Variants in THOC1 observed in about 807,000 individuals in gnomAD.
The protein encoded by THOC1 is THO complex subunit 1.
In THOC1, 29 loss-of-function variants were observed where a neutral mutation model predicts 97.3. The observed-to-expected ratio is 0.30, with a 90% CI of 0.22 to 0.41. The LOEUF (loss-of-function observed/expected upper bound fraction) is 0.41, where lower values mean the gene tolerates loss of function less well. THOC1 is among the 10% of genes least tolerant of loss of function. The pLI, the probability that THOC1 is intolerant of heterozygous loss-of-function variation, is 1.00. For synonymous variants in THOC1, 255 were observed against 257.0 expected (o/e 0.99, Z 0.07); for missense variants, 529 against 761.9 (o/e 0.69, Z 3.60).
chr18:223,925 CCACA>C (rs1339434704), intron 16 of THOC1, among the ~76,000 whole-genome samples, 155 bp downstream of exon 16: 3 of 152,086 alleles, frequency 2.0e-5, no homozygotes, highest in African/African-American at 7.2e-5. Context: ...GTGCATGAAC[CCACA>C]CAATGGGCAG....
intron 15 of THOC1, among the ~76,000 whole-genome samples, chr18:224,525 G>C (rs1911207385): frequency 6.7e-6 from 1 of 149,692 alleles, no homozygotes; most frequent in East Asian, 2.0e-4. Context: ...GCTGCGGTGA[G>C]CCAAGATCAT....
chr18:227,486 T>C (rs1459108533), intron 11 of THOC1, among the ~76,000 whole-genome samples: 1 of 152,028 alleles, frequency 6.6e-6, no homozygotes, highest in Non-Finnish European at 1.5e-5. Context: ...AACAAGAAAT[T>C]AGAGGTGAAG....
At chr18:258,617 T>C (rs1208064881) in intron 7 of THOC1, among the ~76,000 whole-genome samples, 1 of 152,108 alleles carries the variant, frequency 6.6e-6, no homozygotes, top group Non-Finnish European at 1.5e-5. Flanking sequence ...ATTAGCCCAA[T>C]ATTAAGGAAG....
chr18:259,589 T>C (rs1340195659), intron 6 of THOC1, 93 bp downstream of exon 6: 2 of 967,918 alleles, frequency 2.1e-6, no homozygotes, highest in East Asian at 5.5e-5. Context: ...TAATCTATCT[T>C]TAAAATGTTA....
intron 11 of THOC1, among the ~76,000 whole-genome samples, chr18:244,137 C>T (rs1912006686): frequency 6.6e-6 from 1 of 152,126 alleles, no homozygotes; most frequent in Admixed American, 6.5e-5. Context: ...TTTTAAATTA[C>T]TCACTAAACA....
At chr18:237,633 T>C (rs1035735907) in intron 11 of THOC1, among the ~76,000 whole-genome samples, 1 of 152,192 alleles carries the variant, frequency 6.6e-6, no homozygotes, top group Non-Finnish European at 1.5e-5. Flanking sequence ...GTTCCACAGT[T>C]AGTATGTTTA....
rs1911309967 is a variant in THOC1 at position 226,895 on chromosome 18, C to G, written c.925G>C (p.Asp309His). 1 of 1,606,854 alleles carries G rather than the reference C, an allele frequency of 6.2e-7. No individual in the cohort carries two copies. The highest frequency in any genetic ancestry group is 1.3e-5 in the African/African-American group (1 of 74,814). ...AKFLTSEKLMDLQLSDSNFRR... is the reference protein window; with the variant it reads ...AKFLTSEKLMHLQLSDSNFRR... The stretch of plus-strand genomic sequence containing the variant: ...AAGTTACTGTCACTCAGTTGTAAAT[C>G]CATCAGCTACTCAAGAAACAAGCAA... The change falls in exon 12 of 21, where the codon GAT becomes CAT. Residue 309 changes from aspartate to histidine, a missense_variant. Asp to His is a moderately conservative substitution (Grantham distance 81). Around this residue, in one of 8 missense-constraint regions of THOC1, gnomAD observed 25 missense variants for 69.5 expected, o/e 0.36. Coordinates refer to ENST00000261600, the MANE Select transcript of THOC1 (RefSeq NM_005131.3).
chr18:215,368 T>TG, intron 20 of THOC1, 61 bp downstream of exon 20: 2 of 1,276,668 alleles, frequency 1.6e-6, no homozygotes, highest in South Asian at 2.5e-5. Flanking sequence ...AATGTACCTA[T>TG]CAACAAAGAA....
rs1470154929 is a variant in THOC1, at chr18:227,991, C to T, written c.919-1090G>A. ...CAGCCTTCCAGTCAGGTTTCCCTCA[C>T]GTTTAAGGATTGAATATATTTGATT... On this transcript the variant is annotated intron_variant, in intron 11 of 20. Transcript: ENST00000261600. 6.6e-5 allele frequency among the ~76,000 whole-genome samples: 10 copies of T among 152,182 alleles called. No homozygotes were observed. The South Asian group carries it at 1.5e-3, about 22-fold the overall frequency.
At chr18:258,490 A>C (rs1192762578) in intron 7 of THOC1, among the ~76,000 whole-genome samples, 1 of 152,162 alleles carries the variant, frequency 6.6e-6, no homozygotes, top group Non-Finnish European at 1.5e-5. Flanking sequence ...TGACAAAAAG[A>C]AAGCACATAA....
chr18:260,007 T>C, intron 5 of THOC1, 179 bp downstream of exon 5: 1 of 528,652 alleles, frequency 1.9e-6, no homozygotes, highest in Non-Finnish European at 3.3e-6. Context: ...ATTTCAAGTT[T>C]TTCTCCACAC....
intron 17 of THOC1, among the ~76,000 whole-genome samples, chr18:221,732 C>A (rs755930512): frequency 6.6e-6 from 1 of 151,862 alleles, no homozygotes; most frequent in Non-Finnish European, 1.5e-5. Flanking sequence ...CCTCAGCCTC[C>A]CAAGTAGCTG....
chr18:216,706 T>C (rs1417238158), intron 18 of THOC1, 73 bp from the exon 19 acceptor site: 7 of 1,473,582 alleles, frequency 4.8e-6, no homozygotes, highest in Non-Finnish European at 6.3e-6. Flanking sequence ...AGTTCTGCCA[T>C]GTGTAATTCT....
chr18:259,404 C>T (rs1357197842), intron 6 of THOC1, 129 bp from the exon 7 acceptor site: 51 of 760,042 alleles, frequency 6.7e-5, no homozygotes, highest in Non-Finnish European at 9.6e-5. Context: ...AATTGGGGGC[C>T]GAAACCACTG....
chr18:259,193 C>G lies in THOC1; in HGVS notation c.507G>C (p.Leu169=), dbSNP rs370003364. 4.0e-5 allele frequency: 65 copies of G among 1,610,892 alleles called. No individual in the cohort carries two copies. In the African/African-American group the frequency reaches 5.5e-4, roughly 14 times the overall value. ...ATAAAAGCTTACCTGATTTCTCAGA[C>G]AGAGGGAAAAGCCTGGCCAAAAAGA... The part of the protein sequence containing the change: ...IQLFLARLFP[L]SEKSGLNLQS... Residue 169 remains leucine (L), a synonymous_variant, in exon 7 of 21, where the codon CTG becomes CTC. Transcript: ENST00000261600.
chr18:241,739 A>G (rs1238949476), intron 11 of THOC1, among the ~76,000 whole-genome samples: 1 of 152,242 alleles, frequency 6.6e-6, no homozygotes, highest in Non-Finnish European at 1.5e-5. Context: ...TGGTACTTAA[A>G]CATTTTGAAA....
At chr18:241,418 G>A (rs1349772232) in intron 11 of THOC1, among the ~76,000 whole-genome samples, 1 of 152,064 alleles carries the variant, frequency 6.6e-6, no homozygotes, top group Non-Finnish European at 1.5e-5. Context: ...CCTAACTAGA[G>A]GCCTCTTCAC....
intron 16 of THOC1, among the ~76,000 whole-genome samples, chr18:223,858 T>C (rs1410792298): frequency 2.0e-5 from 3 of 152,014 alleles, no homozygotes; most frequent in Non-Finnish European, 2.9e-5. Context: ...ACGGAAAAAA[T>C]GGCACAGCCT....
intron 17 of THOC1, 98 bp downstream of exon 17, chr18:223,342 T>C (rs754567494): frequency 5.1e-6 from 5 of 980,724 alleles, no homozygotes; most frequent in Non-Finnish European, 5.8e-6. Flanking sequence ...CAATAAACTT[T>C]TAAATTTCAT....
Sources: allele counts gnomAD v4.1 joint callset (sites outside exome capture counted in the v4.1 genomes callset), GRCh38; gene constraint gnomAD v4.1.1; regional missense constraint gnomAD v4.1.1; transcripts MANE v1.5; gene names NCBI Gene and HGNC (gene_info 2026-07-23, HGNC 2026-07-21).